The following STK32B variants were observed in gnomAD, a reference collection of about 807,000 sequenced individuals.
STK32B encodes the protein serine/threonine-protein kinase 32B.
A neutral mutation model predicts 52.6 loss-of-function variants in STK32B; 43 were observed. That is an observed-to-expected ratio of 0.82 (90% CI 0.64 to 1.05). STK32B has a LOEUF of 1.05. Ranked by LOEUF, STK32B falls within the 50% of genes least tolerant of loss-of-function variation. The probability of loss-of-function intolerance (pLI) is 0.00; values close to 1 mark genes in which losing one functional copy is unlikely to be tolerated. For missense variants in STK32B, 621 were observed against 534.6 expected (o/e 1.16, Z -1.59); for synonymous variants, 238 against 204.3 (o/e 1.17, Z -1.41).
intron 3 of STK32B, among the ~76,000 whole-genome samples, chr4:5,311,902 T>TTATATATA (rs34791295): frequency 4.3e-4 from 59 of 137,648 alleles, no homozygotes; most frequent in African/African-American, 1.7e-3. Context: ...GTGCATACTT[T>TTATATATA]TATATATATA....
intron 9 of STK32B, among the ~76,000 whole-genome samples, chr4:5,466,005 A>C (rs1415571789): frequency 6.6e-6 from 1 of 152,242 alleles, no homozygotes; most frequent in African/African-American, 2.4e-5. Context: ...AAGTAGCAGA[A>C]CTGGGATTTT....
In STK32B at chr4:5,177,970, A is replaced by G. The variant is rs1324709636; in HGVS notation, c.260+9520A>G. 2.0e-5 allele frequency among the ~76,000 whole-genome samples: 3 copies of G among 152,136 alleles called. No individual in the cohort carries two copies. In the East Asian group the frequency reaches 5.8e-4, roughly 29 times the overall value. On this transcript the variant is annotated intron_variant, in intron 3 of 11. Coordinates refer to ENST00000282908, the MANE Select transcript of STK32B (RefSeq NM_018401.3). Reference sequence around the variant, plus strand: ...GTGACTTTTCCAGGTGCATGGTCCAATTTGTCAGTGTATCTGCCATTCTGG... The same window carrying G: ...GTGACTTTTCCAGGTGCATGGTCCAGTTTGTCAGTGTATCTGCCATTCTGG...
At chr4:5,412,781 T>A (rs1014113433) in intron 5 of STK32B, among the ~76,000 whole-genome samples, 6 of 152,214 alleles carry the variant, frequency 3.9e-5, no homozygotes, top group African/African-American at 1.4e-4. Context: ...AGCCAGGGGT[T>A]GCATTTTCCC....
rs574250617 is a variant in STK32B at position 5,487,577 on chromosome 4, A to C, written c.1107-11368A>C. On this transcript the variant is annotated intron_variant, in intron 11 of 11. Coordinates refer to ENST00000282908, the MANE Select transcript of STK32B (RefSeq NM_018401.3). ...CACATTTTATGACTGGGTTGACTTA[A>C]AGAAGAAAATGTCAACTGACAAAAG... Among the ~76,000 whole-genome samples, 76 of 152,342 alleles carry C rather than the reference A, an allele frequency of 5.0e-4. 1 individual carries two copies. The South Asian group carries it at 0.014, about 27-fold the overall frequency.
At chr4:5,213,158 C>T (rs1357326836) in intron 3 of STK32B, among the ~76,000 whole-genome samples, 8 of 152,182 alleles carry the variant, frequency 5.3e-5, no homozygotes, top group Non-Finnish European at 5.9e-5. Flanking sequence ...GGCTGTTCTT[C>T]GATTCCTTCT....
chr4:5,323,461 A>T (rs1731657954), intron 3 of STK32B, among the ~76,000 whole-genome samples: 1 of 152,112 alleles, frequency 6.6e-6, no homozygotes, highest in Non-Finnish European at 1.5e-5. Context: ...CCTGCAAGGG[A>T]GGGAGACGGC....
At chr4:5,318,151 GTGAT>G (rs1291562877) in intron 3 of STK32B, among the ~76,000 whole-genome samples, 3 of 152,164 alleles carry the variant, frequency 2.0e-5, no homozygotes, top group Non-Finnish European at 4.4e-5. Flanking sequence ...ACTTGTGTGT[GTGAT>G]TGGGGGAAAG....
Position 5,276,605 on chromosome 4 carries a change from CT to C in STK32B, c.261-54605del, listed in dbSNP as rs538059655. ...AAAGGACTGAAAACACAAGCAGATT[CT>C]TTTTTTTTTATTTTAATGGAATAGT... On this transcript the variant is annotated intron_variant, in intron 3 of 11. Coordinates refer to ENST00000282908, the MANE Select transcript of STK32B (RefSeq NM_018401.3). Among the ~76,000 whole-genome samples, 909 of 149,098 alleles carry C rather than the reference CT, an allele frequency of 6.1e-3. 4 individuals are homozygous for C. Among genetic ancestry groups the C allele is most frequent in the South Asian group, 0.015 (71 of 4,686 alleles).
At chr4:5,445,305 C>T (rs1051128351) in intron 6 of STK32B, among the ~76,000 whole-genome samples, 1 of 152,162 alleles carries the variant, frequency 6.6e-6, no homozygotes, top group Non-Finnish European at 1.5e-5. Flanking sequence ...GTTTCCATGC[C>T]GAGTGAATGC....
chr4:5,443,840 G>A (rs1415840495), intron 6 of STK32B, among the ~76,000 whole-genome samples: 2 of 152,104 alleles, frequency 1.3e-5, no homozygotes. Context: ...TCAGCTGCAG[G>A]TCTGTTGGAA....
chr4:5,317,059 TG>T (rs1731002108), intron 3 of STK32B, among the ~76,000 whole-genome samples: 5 of 34,114 alleles, frequency 1.5e-4, no homozygotes, highest in East Asian at 1.5e-3. Context: ...ATAATATATA[TG>T]ATATAATATA....
At chr4:5,459,734 T>C (rs989668797) in intron 8 of STK32B, among the ~76,000 whole-genome samples, 9 of 152,214 alleles carry the variant, frequency 5.9e-5, no homozygotes. Context: ...CATTACCAAG[T>C]TGGAAATCCT....
chr4:5,335,065 CTTG>C (rs1732553597), intron 4 of STK32B, among the ~76,000 whole-genome samples: 1 of 134,920 alleles, frequency 7.4e-6, no homozygotes, highest in African/African-American at 3.4e-5. Flanking sequence ...CCAGTTCCTC[CTTG>C]TACCTCTGGT....
intron 3 of STK32B, among the ~76,000 whole-genome samples, chr4:5,320,503 T>G (rs1285479660): frequency 1.3e-5 from 2 of 152,156 alleles, no homozygotes; most frequent in Non-Finnish European, 2.9e-5. Flanking sequence ...TTGAAAAAAA[T>G]TATATTTACA....
chr4:5,406,066 G>A (rs1282483489), intron 5 of STK32B, among the ~76,000 whole-genome samples: 4 of 152,144 alleles, frequency 2.6e-5, no homozygotes, highest in African/African-American at 7.2e-5. Context: ...AAGGTACAAT[G>A]GGCATTACAG....
chr4:5,251,149 T>G (rs1312052607), intron 3 of STK32B, among the ~76,000 whole-genome samples: 1 of 152,234 alleles, frequency 6.6e-6, no homozygotes, highest in Non-Finnish European at 1.5e-5. Context: ...ATGTCTAGAA[T>G]GCTGTTTCCT....
intron 3 of STK32B, among the ~76,000 whole-genome samples, chr4:5,196,723 AAAAAT>A (rs57722522): frequency 0.27 from 39,495 of 145,338 alleles, 6,169 homozygotes; most frequent in East Asian, 0.46. Flanking sequence ...TCTGTCTCAA[AAAAAT>A]AAAATAAAAT....
chr4:5,053,708 C>T (rs976213327), intron 1 of STK32B, among the ~76,000 whole-genome samples: 4 of 152,084 alleles, frequency 2.6e-5, no homozygotes, highest in Non-Finnish European at 4.4e-5. Flanking sequence ...TGAGGCCGGG[C>T]GCGGTGGCTC....
intron 1 of STK32B, among the ~76,000 whole-genome samples, chr4:5,098,351 C>G (rs962630268): frequency 1.3e-5 from 2 of 152,318 alleles, no homozygotes; most frequent in Non-Finnish European, 2.9e-5. Flanking sequence ...AACAAGTATG[C>G]CCTGGGGCTA....
Sources: allele counts gnomAD v4.1 joint callset (sites outside exome capture counted in the v4.1 genomes callset), GRCh38; gene constraint gnomAD v4.1.1; transcripts MANE v1.5; gene names NCBI Gene and HGNC (gene_info 2026-07-23, HGNC 2026-07-21).